The following MYT1L variants were observed in gnomAD, a reference collection of about 807,000 sequenced individuals.
MYT1L encodes myelin transcription factor 1-like protein.
MYT1L carries 12 observed loss-of-function variants against 126.7 expected under a neutral mutation model. The ratio of observed to expected loss-of-function variants is 0.09; its 90% CI spans 0.06 to 0.15. MYT1L has a LOEUF of 0.15. Ranked by LOEUF, MYT1L falls within the 10% of genes least tolerant of loss-of-function variation. The probability of loss-of-function intolerance (pLI) is 1.00; values close to 1 mark genes in which losing one functional copy is unlikely to be tolerated. For synonymous variants in MYT1L, 541 were observed against 604.2 expected, an observed-to-expected ratio of 0.90 and a Z score of 1.53; for missense variants, 979 against 1,585.2, an observed-to-expected ratio of 0.62 and a Z score of 6.49.
intron 1 of MYT1L, among the ~76,000 whole-genome samples, chr2:2,301,488 T>C (rs2095784843): frequency 6.6e-6 from 1 of 152,026 alleles, no homozygotes; most frequent in South Asian, 2.1e-4. Context: ...AAAACAAAAA[T>C]GGAAGGATTG....
intron 18 of MYT1L, among the ~76,000 whole-genome samples, chr2:1,874,033 T>A (rs572604724): frequency 6.6e-6 from 1 of 151,418 alleles, no homozygotes; most frequent in East Asian, 2.0e-4. Context: ...AAATCTACAG[T>A]CGGGGGAAGG....
chr2:1,893,246 T>C (rs1360784574), intron 14 of MYT1L, among the ~76,000 whole-genome samples: 2 of 152,244 alleles, frequency 1.3e-5, no homozygotes, highest in African/African-American at 4.8e-5. Context: ...TGGGTCCTTC[T>C]TTACTAATTG....
intron 4 of MYT1L, among the ~76,000 whole-genome samples, chr2:2,026,619 T>C (rs1389989907): frequency 6.6e-6 from 1 of 152,172 alleles, no homozygotes; most frequent in Admixed American, 6.5e-5. Context: ...ATGCCCGTGG[T>C]GGAGGTTGTT....
intron 18 of MYT1L, 22 bp downstream of exon 18, chr2:1,886,517 A>G (rs376454740): frequency 1.3e-6 from 2 of 1,537,656 alleles, no homozygotes; most frequent in African/African-American, 2.8e-5. Flanking sequence ...TTTAAAAGAG[A>G]ATTATTGTCA....
At chr2:1,985,324 G>T (rs1361080884) in intron 5 of MYT1L, among the ~76,000 whole-genome samples, 1 of 152,236 alleles carries the variant, frequency 6.6e-6, no homozygotes, top group Non-Finnish European at 1.5e-5. Flanking sequence ...GGGAAGGAAT[G>T]TTGAAGAGAA....
chr2:2,020,749 T>A (rs890280438), intron 4 of MYT1L, among the ~76,000 whole-genome samples: 3 of 152,278 alleles, frequency 2.0e-5, no homozygotes, highest in African/African-American at 7.2e-5. Context: ...ACGTTGTATG[T>A]GGCACCTAAG....
chr2:2,062,661 A>C (rs2070684971), intron 3 of MYT1L, among the ~76,000 whole-genome samples: 1 of 152,138 alleles, frequency 6.6e-6, no homozygotes, highest in African/African-American at 2.4e-5. Flanking sequence ...TAAAATGTCT[A>C]TTTTTGTCTT....
intron 1 of MYT1L, among the ~76,000 whole-genome samples, chr2:2,318,285 A>G (rs2096102222): frequency 6.6e-6 from 1 of 152,228 alleles, no homozygotes; most frequent in Non-Finnish European, 1.5e-5. Context: ...TCCACATTTA[A>G]TATACATATA....
chr2:2,138,388 T>G (rs1160413952), intron 3 of MYT1L, among the ~76,000 whole-genome samples: 5 of 141,920 alleles, frequency 3.5e-5, no homozygotes, highest in Non-Finnish European at 7.6e-5. Context: ...TAAAGACACA[T>G]GCACACGTAT....
intron 18 of MYT1L, among the ~76,000 whole-genome samples, chr2:1,857,211 A>T (rs547412469): frequency 6.6e-6 from 1 of 152,222 alleles, no homozygotes; most frequent in Admixed American, 6.5e-5. Flanking sequence ...GTCCACCATC[A>T]TCTATCTCCA....
At chr2:2,069,013 G>GAAAAA (rs1300351129) in intron 3 of MYT1L, among the ~76,000 whole-genome samples, 9 of 151,840 alleles carry the variant, frequency 5.9e-5, no homozygotes, top group Non-Finnish European at 1.2e-4. Flanking sequence ...GCCTGGGGCT[G>GAAAAA]CAGAGTAAAA....
chr2:2,287,150 G>C (rs1267540289), intron 1 of MYT1L, among the ~76,000 whole-genome samples: 1 of 152,184 alleles, frequency 6.6e-6, no homozygotes, highest in African/African-American at 2.4e-5. Context: ...CAGCTACTCT[G>C]GAGGCTGAGG....
intron 3 of MYT1L, among the ~76,000 whole-genome samples, chr2:2,103,791 G>A (rs890804950): frequency 1.3e-5 from 2 of 152,236 alleles, no homozygotes; most frequent in Non-Finnish European, 2.9e-5. Context: ...AAGATCTCAC[G>A]GTGACAAGCA....
At chr2:2,176,859 A>G (rs1273187112) in intron 2 of MYT1L, among the ~76,000 whole-genome samples, 1 of 152,212 alleles carries the variant, frequency 6.6e-6, no homozygotes, top group Non-Finnish European at 1.5e-5. Context: ...CATGTCAACT[A>G]ACCACATAAA....
At chr2:2,185,907 G>C (rs1359518363) in intron 2 of MYT1L, among the ~76,000 whole-genome samples, 3 of 124,994 alleles carry the variant, frequency 2.4e-5, no homozygotes, top group African/African-American at 3.5e-5. Context: ...GGGCCTTCCG[G>C]GCCTTCCCAA....
chr2:2,158,916 C>A (rs1423716022), intron 3 of MYT1L, among the ~76,000 whole-genome samples: 1 of 152,156 alleles, frequency 6.6e-6, no homozygotes, highest in South Asian at 2.1e-4. Context: ...GCTCCAGGGC[C>A]TCGTGCCATT....
intron 8 of MYT1L, among the ~76,000 whole-genome samples, chr2:1,944,648 G>A (rs1291975715): frequency 6.6e-6 from 1 of 152,104 alleles, no homozygotes; most frequent in Non-Finnish European, 1.5e-5. Flanking sequence ...GTACTATTTG[G>A]GCAACTCCTC....
intron 2 of MYT1L, among the ~76,000 whole-genome samples, chr2:2,221,290 G>A (rs1254160450): frequency 1.3e-5 from 2 of 152,132 alleles, no homozygotes; most frequent in Admixed American, 6.5e-5. Flanking sequence ...TTGGAGGGCG[G>A]ACTGGGAACC....
intron 3 of MYT1L, among the ~76,000 whole-genome samples, chr2:2,122,756 G>A (rs960292057): frequency 6.6e-6 from 1 of 151,990 alleles, no homozygotes; most frequent in Non-Finnish European, 1.5e-5. Flanking sequence ...CTGTCCTTCC[G>A]CATCAGTGGA....
Sources: gnomAD v4.1 joint callset for allele counts (sites outside exome capture counted in the v4.1 genomes callset) on GRCh38, gnomAD v4.1.1 for gene constraint, MANE v1.5 for transcripts, NCBI Gene and HGNC (gene_info 2026-07-23, HGNC 2026-07-21) for gene names.